Variants in HCN1 observed in about 807,000 individuals in gnomAD.
HCN1 encodes the protein potassium/sodium hyperpolarization-activated cyclic nucleotide-gated channel 1.
HCN1 carries 13 observed loss-of-function variants against 78.9 expected under a neutral mutation model. That is an observed-to-expected ratio of 0.16 (90% CI 0.11 to 0.26). The LOEUF is 0.26. HCN1 is among the 10% of genes least tolerant of loss of function. The pLI is 1.00. For synonymous variants in HCN1, 552 were observed against 455.5 expected (o/e 1.21, Z -2.70); for missense variants, 810 against 1,154.3 (o/e 0.70, Z 4.32).
At chr5:45,447,106 T>G (rs1210149523) in intron 3 of HCN1, among the ~76,000 whole-genome samples, 1 of 151,838 alleles carries the variant, frequency 6.6e-6, no homozygotes, top group Non-Finnish European at 1.5e-5. Context: ...GGATAAAGAG[T>G]CAAGACCCAT....
chr5:45,422,702 C>T (rs1056875917), intron 3 of HCN1, among the ~76,000 whole-genome samples: 1 of 152,122 alleles, frequency 6.6e-6, no homozygotes, highest in South Asian at 2.1e-4. Context: ...GAAAACCTTC[C>T]AGAATCAGCA....
intron 4 of HCN1, among the ~76,000 whole-genome samples, chr5:45,361,018 A>G (rs1023268279): frequency 6.6e-6 from 1 of 152,094 alleles, no homozygotes; most frequent in African/African-American, 2.4e-5. Flanking sequence ...CAAAATTCCA[A>G]CTGAATGTAA....
chr5:45,653,282 T>C (rs1745710138), intron 1 of HCN1, among the ~76,000 whole-genome samples: 1 of 152,096 alleles, frequency 6.6e-6, no homozygotes, highest in South Asian at 2.1e-4. Flanking sequence ...ACCTGATCTC[T>C]ATCCCAGTTG....
At chr5:45,308,994 A>C (rs1237323907) in intron 5 of HCN1, among the ~76,000 whole-genome samples, 1 of 152,164 alleles carries the variant, frequency 6.6e-6, no homozygotes, top group African/African-American at 2.4e-5. Context: ...CTTCTTATCC[A>C]TGAGTATGGA....
chr5:45,345,858 A>G (rs1386130137), intron 5 of HCN1, among the ~76,000 whole-genome samples: 1 of 152,214 alleles, frequency 6.6e-6, no homozygotes, highest in Non-Finnish European at 1.5e-5. Flanking sequence ...GTATCTTTGA[A>G]GCAGTGCCCA....
chr5:45,649,392 T>C, intron 1 of HCN1, among the ~76,000 whole-genome samples: 1 of 152,092 alleles, frequency 6.6e-6, no homozygotes, highest in East Asian at 1.9e-4. Context: ...AAAAAAATTG[T>C]TACAAATGAT....
intron 1 of HCN1, among the ~76,000 whole-genome samples, chr5:45,676,417 A>C (rs1302965954): frequency 6.6e-6 from 1 of 151,788 alleles, no homozygotes; most frequent in African/African-American, 2.4e-5. Flanking sequence ...TATATCCATA[A>C]TTATACTATT....
At chr5:45,504,890 A>T (rs894045465) in intron 2 of HCN1, among the ~76,000 whole-genome samples, 5 of 152,130 alleles carry the variant, frequency 3.3e-5, no homozygotes, top group African/African-American at 1.2e-4. Context: ...TGGCTGCATA[A>T]ATGTCTTCTT....
At chr5:45,588,809 G>A (rs923896487) in intron 2 of HCN1, among the ~76,000 whole-genome samples, 8 of 152,072 alleles carry the variant, frequency 5.3e-5, no homozygotes, top group African/African-American at 1.9e-4. Flanking sequence ...AAGCAATGAT[G>A]AACATTACCC....
chr5:45,497,903 G>T (rs1440208781), intron 2 of HCN1, among the ~76,000 whole-genome samples: 1 of 152,164 alleles, frequency 6.6e-6, no homozygotes, highest in African/African-American at 2.4e-5. Context: ...TAAGAATGTT[G>T]AATATTGGCC....
intron 2 of HCN1, among the ~76,000 whole-genome samples, chr5:45,618,850 C>T (rs1228659601): frequency 6.6e-6 from 1 of 151,932 alleles, no homozygotes; most frequent in African/African-American, 2.4e-5. Context: ...AAAGGAGAGA[C>T]AGCAATCTAG....
chr5:45,513,893 G>T (rs1435514606), intron 2 of HCN1, among the ~76,000 whole-genome samples: 1 of 152,094 alleles, frequency 6.6e-6, no homozygotes, highest in East Asian at 1.9e-4. Context: ...AAATTTGCAA[G>T]AATTTCCATA....
chr5:45,341,994 C>A (rs1746592912), intron 5 of HCN1, among the ~76,000 whole-genome samples: 1 of 152,046 alleles, frequency 6.6e-6, no homozygotes. Flanking sequence ...TTAAAAAAAT[C>A]TGTAAAGGGC....
intron 3 of HCN1, among the ~76,000 whole-genome samples, chr5:45,413,330 T>C (rs906454767): frequency 9.9e-5 from 15 of 152,224 alleles, no homozygotes; most frequent in Admixed American, 3.3e-4. Flanking sequence ...TTTACCTGAA[T>C]TCAACACTGT....
intron 2 of HCN1, among the ~76,000 whole-genome samples, chr5:45,502,146 T>G (rs2111735300): frequency 6.6e-6 from 1 of 152,100 alleles, no homozygotes; most frequent in Non-Finnish European, 1.5e-5. Context: ...GAAAAGAATT[T>G]TATGACATCT....
intron 2 of HCN1, among the ~76,000 whole-genome samples, chr5:45,584,805 A>C (rs921047673): frequency 8.5e-5 from 13 of 152,160 alleles, no homozygotes; most frequent in African/African-American, 3.1e-4. Flanking sequence ...GTTTGGCTGG[A>C]TATGAAATTC....
chr5:45,688,487 TG>T (rs1739849864), intron 1 of HCN1, among the ~76,000 whole-genome samples: 2 of 152,062 alleles, frequency 1.3e-5, no homozygotes, highest in South Asian at 4.1e-4. Flanking sequence ...CAGGTATTAC[TG>T]TAGGAAAAAA....
chr5:45,473,720 G>T (rs565080541), intron 2 of HCN1, among the ~76,000 whole-genome samples: 41 of 151,392 alleles, frequency 2.7e-4, no homozygotes, highest in Non-Finnish European at 5.5e-4. Context: ...TGTTGACCTG[G>T]TATTCCTCTC....
intron 3 of HCN1, among the ~76,000 whole-genome samples, chr5:45,397,615 G>C (rs1230682674): frequency 6.6e-6 from 1 of 151,400 alleles, no homozygotes; most frequent in Non-Finnish European, 1.5e-5. Context: ...GGGGGCTCTG[G>C]TTCAAAATGC....
Sources: gnomAD v4.1 joint callset for allele counts (sites outside exome capture counted in the v4.1 genomes callset) on GRCh38, gnomAD v4.1.1 for gene constraint, MANE v1.5 for transcripts, NCBI Gene and HGNC (gene_info 2026-07-23, HGNC 2026-07-21) for gene names.